The following PSD3 variants were observed in gnomAD, a reference collection of about 807,000 sequenced individuals.
The protein encoded by PSD3 is pleckstrin and Sec7 domain containing 3, also known as PH and SEC7 domain-containing protein 3.
Under a neutral mutation model 105.5 loss-of-function variants are expected in PSD3, and 49 were observed. That is an observed-to-expected ratio of 0.46 (90% CI 0.37 to 0.59). The LOEUF is 0.59. PSD3 is among the 20% of genes least tolerant of loss of function. The pLI is 0.00. For synonymous variants in PSD3, 557 were observed against 457.8 expected, an observed-to-expected ratio of 1.22 and a Z score of -2.77; for missense variants, 1,561 against 1,263.8, an observed-to-expected ratio of 1.24 and a Z score of -3.57.
chr8:19,063,638 T>C (rs931084079), intron 1 of PSD3, among the ~76,000 whole-genome samples: 1 of 152,160 alleles, frequency 6.6e-6, no homozygotes, highest in Non-Finnish European at 1.5e-5. Context: ...GCGAGTATAG[T>C]AAAGACTTTT....
At chr8:18,799,120 C>T (rs1050871139) in intron 8 of PSD3, 175 bp downstream of exon 8, 9 of 596,274 alleles carry the variant, frequency 1.5e-5, no homozygotes, top group African/African-American at 1.9e-5. Flanking sequence ...ATACTCTGTG[C>T]TAGCATGTGA....
chr8:18,648,396 C>T (rs1265146526), intron 10 of PSD3, among the ~76,000 whole-genome samples: 1 of 151,958 alleles, frequency 6.6e-6, no homozygotes, highest in Non-Finnish European at 1.5e-5. Flanking sequence ...CTTGGAGGCA[C>T]TGTGCCCCTG....
At chr8:18,932,346 C>G (rs1438562674) in intron 2 of PSD3, among the ~76,000 whole-genome samples, 2 of 152,194 alleles carry the variant, frequency 1.3e-5, no homozygotes, top group African/African-American at 2.4e-5. Context: ...TGCCAGCCCA[C>G]AGACAGCTGT....
At chr8:18,994,452 A>G (rs560597087) in intron 1 of PSD3, among the ~76,000 whole-genome samples, 1 of 152,228 alleles carries the variant, frequency 6.6e-6, no homozygotes, top group African/African-American at 2.4e-5. Flanking sequence ...ATTATGAGAT[A>G]AAGAAACAAA....
intron 9 of PSD3, among the ~76,000 whole-genome samples, chr8:18,740,855 C>T (rs538930544): frequency 1.1e-3 from 173 of 152,184 alleles, no homozygotes; most frequent in Non-Finnish European, 1.5e-3. Flanking sequence ...ACTTCCCCTA[C>T]CTTCCAGCTG....
intron 9 of PSD3, among the ~76,000 whole-genome samples, chr8:18,701,123 G>T (rs1801553146): frequency 7.7e-6 from 1 of 130,362 alleles, no homozygotes; most frequent in African/African-American, 2.8e-5. Context: ...GTGCCAAGAA[G>T]CCTGGCTGAT....
At chr8:18,950,499 C>T (rs956976198) in intron 1 of PSD3, among the ~76,000 whole-genome samples, 3 of 152,184 alleles carry the variant, frequency 2.0e-5, no homozygotes, top group Admixed American at 6.5e-5. Flanking sequence ...TCTTGTCCAA[C>T]TGAGGCTTTG....
At position 18,671,692 on chromosome 8, in the gene PSD3, C is replaced by A. The variant is rs754504887; in HGVS notation, c.2173-16007G>T. ...TTGTCGCCCAGGCTGGAGGGCAGTG[C>A]GCGATCTCCGCTCACTGCAAGCTCC... On this transcript the variant is annotated intron_variant, in intron 9 of 15. Transcript: ENST00000327040. Among the ~76,000 whole-genome samples the A allele has an allele frequency of 1.1e-3, 160 of 151,150 alleles. 2 individuals carry two copies. Among genetic ancestry groups the A allele is most frequent in the Non-Finnish European group, 2.4e-4 (16 of 67,838 alleles).
At chr8:18,677,878 C>T (rs536076221) in intron 9 of PSD3, among the ~76,000 whole-genome samples, 48 of 151,960 alleles carry the variant, frequency 3.2e-4, no homozygotes, top group Admixed American at 9.2e-4. Context: ...GGCGTGGTGG[C>T]GGGTGCCTGT....
intron 9 of PSD3, among the ~76,000 whole-genome samples, chr8:18,705,692 G>A (rs117159574): frequency 0.012 from 1,859 of 152,098 alleles, 33 homozygotes; most frequent in East Asian, 0.041. Context: ...TTAAATATGT[G>A]TTCATCTATA....
chr8:18,740,658 T>A (rs1414633004), intron 9 of PSD3, among the ~76,000 whole-genome samples: 2 of 152,194 alleles, frequency 1.3e-5, no homozygotes, highest in African/African-American at 2.4e-5. Context: ...CCATTTCTAA[T>A]AACCTGCTCA....
intron 10 of PSD3, among the ~76,000 whole-genome samples, chr8:18,639,556 T>C (rs145559394): frequency 1.4e-3 from 213 of 152,254 alleles, no homozygotes; most frequent in African/African-American, 4.6e-3. Context: ...TCTAACAATA[T>C]TGATGTCCTT....
In PSD3 at chr8:18,804,739, G is replaced by C. The variant is rs143423577; in HGVS notation, c.1794C>G (p.Phe598Leu). ...GGTGTTTTGCAACATCTGATCTTTT[G>C]AATCTGTCCAGCTGATAAAGGCGTT... Reference protein sequence around the residue: ...LAKRLYQLDRFKRSDVAKHLG... With the variant: ...LAKRLYQLDRLKRSDVAKHLG... Residue 598 changes from phenylalanine to leucine, a missense_variant, in exon 5 of 16, where the codon TTC (phenylalanine) becomes TTG (leucine). By Grantham distance (22) the Phe-to-Leu change is conservative (BLOSUM62 0). Transcript: ENST00000327040. 7 of 1,613,906 alleles carry C rather than the reference G, an allele frequency of 4.3e-6. No homozygotes were observed. The highest frequency in any genetic ancestry group is 2.2e-5 in the East Asian group (1 of 44,882).
rs543117407 is a variant in PSD3, at chr8:18,593,375, G to A, written c.2481+6989C>T. 5.5e-4 allele frequency among the ~76,000 whole-genome samples: 84 copies of A among 152,306 alleles called. 2 individuals carry two copies. The highest frequency in any genetic ancestry group is 2.0e-3 in the African/African-American group (83 of 41,562). ...GCAGCCAACAGACACATGAAAAAAT[G>A]CTCATCATCACTGGCCATCACAGAA... On this transcript the variant is annotated intron_variant, in intron 12 of 15. Transcript: ENST00000327040.
At chr8:18,600,887 A>G (rs1183877020) in intron 11 of PSD3, among the ~76,000 whole-genome samples, 1 of 152,214 alleles carries the variant, frequency 6.6e-6, no homozygotes, top group Non-Finnish European at 1.5e-5. Context: ...TAGTCTCAGA[A>G]TATGAAAGGA....
intron 15 of PSD3, among the ~76,000 whole-genome samples, chr8:18,540,671 G>C (rs1031622964): frequency 2.4e-4 from 37 of 152,106 alleles, no homozygotes; most frequent in Admixed American, 2.0e-3. Context: ...ACAGTCGCCT[G>C]ACTGCTCTCC....
At chr8:19,071,612 G>A (rs1238052912) in intron 1 of PSD3, among the ~76,000 whole-genome samples, 1 of 152,234 alleles carries the variant, frequency 6.6e-6, no homozygotes, top group Non-Finnish European at 1.5e-5. Context: ...GAGCTGCCCA[G>A]AGGCAGCACC....
intron 1 of PSD3, among the ~76,000 whole-genome samples, chr8:19,073,911 T>C (rs966222362): frequency 6.6e-5 from 10 of 151,806 alleles, no homozygotes; most frequent in Non-Finnish European, 8.8e-5. Flanking sequence ...CCGCCTCAGC[T>C]TCCCGAGTAG....
chr8:18,903,430 G>A (rs1338178103), intron 2 of PSD3, among the ~76,000 whole-genome samples: 3 of 152,122 alleles, frequency 2.0e-5, no homozygotes, highest in African/African-American at 7.2e-5. Flanking sequence ...GCATGGTGGG[G>A]TGAAGAGTGT....
Sources: allele counts gnomAD v4.1 joint callset (sites outside exome capture counted in the v4.1 genomes callset), GRCh38; gene constraint gnomAD v4.1.1; transcripts MANE v1.5; gene names NCBI Gene and HGNC (gene_info 2026-07-23, HGNC 2026-07-21).